The following LINC00632 variants were observed in gnomAD, a reference collection of about 807,000 sequenced individuals.
LINC00632 encodes long independently transcribed non-coding RNA 632.
At chrX:140,717,819 G>A (rs2148377131) in intron 2 of LINC00632, among the ~76,000 whole-genome samples, 1 of 111,574 alleles carries the variant, frequency 9.0e-6, no homozygotes. Flanking sequence ...TGTAATAGGG[G>A]TACTTACCTC....
chrX:140,727,588 C>T (rs963270299), intron 2 of LINC00632, among the ~76,000 whole-genome samples: 2 of 111,450 alleles, frequency 1.8e-5, no homozygotes, highest in Non-Finnish European at 3.8e-5. Context: ...CCACCACGCC[C>T]GACCGTGAAC....
chrX:140,780,113 C>T lies in LINC00632; in HGVS notation n.8132C>T, dbSNP rs1181453729. 1.9e-4 allele frequency among the ~76,000 whole-genome samples: 21 copies of T among 111,998 alleles called. 1 individual carries two copies. The Admixed American group carries it at 2.0e-3, about 11-fold the overall frequency. ...GATCTGTAAAATGCAGTCAAAATAC[C>T]TGCATTATAGGATTGCTATAAGATT... On this transcript the variant is annotated non_coding_transcript_exon_variant, in exon 5 of 5. Transcript: ENST00000648200.
At chrX:140,724,582 ACG>A in intron 2 of LINC00632, among the ~76,000 whole-genome samples, 1 of 95,270 alleles carries the variant, frequency 1.0e-5, no homozygotes, top group Admixed American at 1.2e-4. Flanking sequence ...CATTCCATAC[ACG>A]CACAGACACA....
At chrX:140,715,231 C>T (rs1443020455) in intron 2 of LINC00632, among the ~76,000 whole-genome samples, 1 of 111,792 alleles carries the variant, frequency 8.9e-6, no homozygotes, top group Non-Finnish European at 1.9e-5. Context: ...ACACATCCCA[C>T]AGCATAACAC....
At chrX:140,787,723 A>T (rs1322515926) in exon 5 of LINC00632, among the ~76,000 whole-genome samples, 1 of 111,508 alleles carries the variant, frequency 9.0e-6, no homozygotes, top group Non-Finnish European at 1.9e-5. Flanking sequence ...GGTCATTTAA[A>T]TTTATATCAT....
intron 3 of LINC00632, among the ~76,000 whole-genome samples, chrX:140,766,237 A>C (rs750478606): frequency 1.5e-3 from 171 of 112,039 alleles, no homozygotes; most frequent in African/African-American, 5.1e-3. Flanking sequence ...GCTACATAGA[A>C]TCTTTTTTGA....
intron 3 of LINC00632, among the ~76,000 whole-genome samples, chrX:140,741,104 A>G (rs1931219035): frequency 8.9e-6 from 1 of 112,313 alleles, no homozygotes; most frequent in Non-Finnish European, 1.9e-5. Flanking sequence ...GTGACATTAC[A>G]CTTGCCCTGC....
exon 5 of LINC00632, among the ~76,000 whole-genome samples, chrX:140,788,494 C>G (rs2148407605): frequency 9.1e-6 from 1 of 109,742 alleles, no homozygotes; most frequent in Non-Finnish European, 1.9e-5. Flanking sequence ...TTTTTATTCT[C>G]TTTTGGTTCT....
At chrX:140,745,667 C>T (rs1359342685) in intron 3 of LINC00632, among the ~76,000 whole-genome samples, 1 of 111,982 alleles carries the variant, frequency 8.9e-6, no homozygotes, top group Admixed American at 9.5e-5. Context: ...CCAGTGCTTC[C>T]AACCAAAAGT....
intron 2 of LINC00632, chrX:140,715,987 A>G (rs945711695): frequency 2.7e-5 from 3 of 112,756 alleles, no homozygotes; most frequent in African/African-American, 9.6e-5. Flanking sequence ...TGATGCGTGT[A>G]AACACATAGA....
intron 3 of LINC00632, among the ~76,000 whole-genome samples, chrX:140,736,123 TATC>T (rs1173588430): frequency 8.1e-5 from 9 of 111,371 alleles, no homozygotes; most frequent in Non-Finnish European, 1.7e-4. Context: ...GCAAAGTAAA[TATC>T]ATATTAAAAT....
chrX:140,737,584 G>A (rs1025266062), intron 3 of LINC00632, among the ~76,000 whole-genome samples: 8 of 111,389 alleles, frequency 7.2e-5, no homozygotes, highest in African/African-American at 2.0e-4. Context: ...CTGTGTGTTC[G>A]TATCAATTAA....
intron 3 of LINC00632, among the ~76,000 whole-genome samples, chrX:140,771,132 G>A (rs984539845): frequency 3.5e-4 from 39 of 110,880 alleles, no homozygotes; most frequent in Non-Finnish European, 6.6e-4. Context: ...TTAATGTTCG[G>A]AAATACTACC....
At chrX:140,758,986 T>TA (rs1442785077) in intron 3 of LINC00632, among the ~76,000 whole-genome samples, 12 of 96,195 alleles carry the variant, frequency 1.2e-4, no homozygotes, top group African/African-American at 4.7e-4. Context: ...TTTTTTGAGA[T>TA]AGAGTTTTGC....
At chrX:140,784,552 C>CCAA in exon 5 of LINC00632, 1 of 509,960 alleles carries the variant, frequency 2.0e-6, no homozygotes, top group Non-Finnish European at 3.3e-6. Context: ...TTCATGTCTT[C>CCAA]CAACAACTAC....
exon 5 of LINC00632, among the ~76,000 whole-genome samples, chrX:140,789,411 T>C (rs1444648398): frequency 9.2e-6 from 1 of 108,940 alleles, no homozygotes; most frequent in Non-Finnish European, 1.9e-5. Context: ...TAATGCTATA[T>C]AAAGCATCTT....
At chrX:140,781,779 A>G (rs1931938233) in exon 5 of LINC00632, among the ~76,000 whole-genome samples, 1 of 111,882 alleles carries the variant, frequency 8.9e-6, no homozygotes, top group South Asian at 3.8e-4. Context: ...TTTTTTAAGT[A>G]AAGTTTTAAT....
chrX:140,762,585 C>G (rs182324081), intron 3 of LINC00632, among the ~76,000 whole-genome samples: 35 of 112,354 alleles, frequency 3.1e-4, no homozygotes, highest in African/African-American at 9.7e-4. Context: ...ATGTCTTCAT[C>G]TATATCAGGG....
intron 3 of LINC00632, among the ~76,000 whole-genome samples, chrX:140,758,010 C>T (rs950848448): frequency 8.1e-5 from 9 of 111,055 alleles, no homozygotes; most frequent in Non-Finnish European, 1.7e-4. Flanking sequence ...TATAAAGAAC[C>T]GAGTTTTGAG....
Sources: gnomAD v4.1 joint callset for allele counts (sites outside exome capture counted in the v4.1 genomes callset) on GRCh38, gnomAD v4.1.1 for gene constraint, MANE v1.5 for transcripts, NCBI Gene and HGNC (gene_info 2026-07-23, HGNC 2026-07-21) for gene names.